The following ERGIC1 variants were observed in gnomAD, a reference collection of about 807,000 sequenced individuals.
ERGIC1 encodes endoplasmic reticulum-Golgi intermediate compartment protein 1.
Under a neutral mutation model 38.3 loss-of-function variants are expected in ERGIC1, and 19 were observed. That is an observed-to-expected ratio of 0.50 (90% CI 0.35 to 0.73). The LOEUF (loss-of-function observed/expected upper bound fraction) is 0.73, where lower values mean the gene tolerates loss of function less well. Among genes scored for constraint, ERGIC1 ranks in the 30% least tolerant of loss-of-function variants. ERGIC1 has a pLI of 0.01. For missense variants in ERGIC1, 294 were observed against 389.2 expected, an observed-to-expected ratio of 0.76 and a Z score of 2.06; for synonymous variants, 124 against 157.6, an observed-to-expected ratio of 0.79 and a Z score of 1.60.
At chr5:172,892,314 G>T (rs1762588448) in intron 2 of ERGIC1, among the ~76,000 whole-genome samples, 1 of 152,110 alleles carries the variant, frequency 6.6e-6, no homozygotes, top group South Asian at 2.1e-4. Flanking sequence ...TTCCATCTTT[G>T]TCCTTGAGGA....
rs1028443762 is a variant in ERGIC1, at chr5:172,876,431, T to G, written c.21-12268T>G. Among the ~76,000 whole-genome samples, 4 of 152,240 alleles carry G rather than the reference T, an allele frequency of 2.6e-5. No homozygotes were observed. In the South Asian group the frequency reaches 8.3e-4, roughly 31 times the overall value. ...GTGCATTCTCTTTATTTACCAATTT[T>G]CAGAATAATGAGTTGGTGGTGTAGG... On this transcript the variant is annotated intron_variant, in intron 1 of 9. Coordinates refer to ENST00000393784, the MANE Select transcript of ERGIC1 (RefSeq NM_001031711.3).
At chr5:172,872,934 C>T (rs934772559) in intron 1 of ERGIC1, among the ~76,000 whole-genome samples, 1 of 152,352 alleles carries the variant, frequency 6.6e-6, no homozygotes, top group South Asian at 2.1e-4. Context: ...AAAAGGGGCA[C>T]CTTTCACAGG....
chr5:172,853,054 G>C (rs1236212131), intron 1 of ERGIC1, among the ~76,000 whole-genome samples: 1 of 152,184 alleles, frequency 6.6e-6, no homozygotes, highest in Non-Finnish European at 1.5e-5. Context: ...GTTTGTCCAA[G>C]AAGCGCCTGT....
chr5:172,889,145 A>C (rs1006420835), intron 2 of ERGIC1, among the ~76,000 whole-genome samples: 2 of 152,068 alleles, frequency 1.3e-5, no homozygotes, highest in Non-Finnish European at 2.9e-5. Context: ...TTAGCCAGGC[A>C]TGGTGGTACA....
intron 2 of ERGIC1, 66 bp downstream of exon 2, chr5:172,888,826 G>A: frequency 7.1e-7 from 1 of 1,401,706 alleles, no homozygotes; most frequent in Non-Finnish European, 1.0e-6. Context: ...CTCTCTCTGT[G>A]CAGATCATCT....
chr5:172,834,851 C>T lies in ERGIC1; in HGVS notation c.20+418C>T, dbSNP rs1581498066. ...TGGGGCAGGGCACCTGGAATGAGTC[C>T]GGAGGGGCCTGGGGCCCCATGCAGC... On this transcript the variant is annotated intron_variant, in intron 1 of 9. Transcript: ENST00000393784. The surrounding 1 kb of genome is among the most constrained non-coding windows in gnomAD (Gnocchi z 4.1). Among the ~76,000 whole-genome samples, 1 of 152,166 alleles carries T rather than the reference C, an allele frequency of 6.6e-6. No individual in the cohort carries two copies. The highest frequency in any genetic ancestry group is 1.5e-5 in the Non-Finnish European group (1 of 68,026).
At chr5:172,896,797 C>G (rs1762733639) in intron 2 of ERGIC1, among the ~76,000 whole-genome samples, 1 of 152,216 alleles carries the variant, frequency 6.6e-6, no homozygotes, top group Non-Finnish European at 1.5e-5. Context: ...GCAGGTTGAT[C>G]CACACCTGGA....
intron 1 of ERGIC1, among the ~76,000 whole-genome samples, chr5:172,844,318 C>T (rs1254487118): frequency 1.3e-5 from 2 of 152,274 alleles, no homozygotes; most frequent in Admixed American, 6.5e-5. Context: ...GAAGGGACAG[C>T]TGACATGCAG....
At chr5:172,847,964 G>T (rs1475855431) in intron 1 of ERGIC1, among the ~76,000 whole-genome samples, 22 of 152,180 alleles carry the variant, frequency 1.4e-4, no homozygotes, top group Admixed American at 1.4e-3. Context: ...AATGTGTTTG[G>T]TTCTCACGAG....
At chr5:172,892,017 G>A (rs1250690679) in intron 2 of ERGIC1, among the ~76,000 whole-genome samples, 2 of 146,490 alleles carry the variant, frequency 1.4e-5, no homozygotes, top group African/African-American at 5.0e-5. Context: ...AGTTATTTCT[G>A]TAAGGTAACT....
chr5:172,943,981 T>C (rs1398262366), intron 9 of ERGIC1, among the ~76,000 whole-genome samples: 2 of 152,176 alleles, frequency 1.3e-5, no homozygotes, highest in African/African-American at 4.8e-5. Flanking sequence ...TTCATTCTAG[T>C]CACAGTGGAA....
At chr5:172,835,116 G>A (rs1761002631) in intron 1 of ERGIC1, among the ~76,000 whole-genome samples, 1 of 152,202 alleles carries the variant, frequency 6.6e-6, no homozygotes, top group Non-Finnish European at 1.5e-5. Flanking sequence ...GCTGCCTCAT[G>A]GTCTAGGTTG....
intron 3 of ERGIC1, among the ~76,000 whole-genome samples, chr5:172,908,353 T>G (rs1216171328): frequency 3.9e-3 from 59 of 15,262 alleles, no homozygotes; most frequent in Middle Eastern, 0.056. Context: ...AGGGGGGGGG[T>G]GGATCATGAG....
chr5:172,855,632 C>G (rs1203227143), intron 1 of ERGIC1, among the ~76,000 whole-genome samples: 6 of 152,224 alleles, frequency 3.9e-5, no homozygotes, highest in African/African-American at 1.4e-4. Flanking sequence ...AGGTCCTCCC[C>G]ACGATGTTCA....
At chr5:172,863,571 C>G (rs1462032225) in intron 1 of ERGIC1, among the ~76,000 whole-genome samples, 1 of 152,180 alleles carries the variant, frequency 6.6e-6, no homozygotes, top group Non-Finnish European at 1.5e-5. Flanking sequence ...CTCTCTCTTT[C>G]AGGAATTCAA....
intron 1 of ERGIC1, among the ~76,000 whole-genome samples, chr5:172,866,466 A>G (rs1761866038): frequency 6.6e-6 from 1 of 152,150 alleles, no homozygotes; most frequent in Non-Finnish European, 1.5e-5. Context: ...GGGGAGAAGG[A>G]GCTTCTCCTT....
chr5:172,931,945 G>A (rs1260719036), intron 7 of ERGIC1, among the ~76,000 whole-genome samples: 5 of 143,158 alleles, frequency 3.5e-5, no homozygotes, highest in African/African-American at 7.9e-5. Context: ...TGCAACCTCC[G>A]CCTCCCAGGT....
Position 172,834,500 on chromosome 5 carries a change from G to A in ERGIC1, c.20+67G>A. 1 of 1,258,170 alleles carries A rather than the reference G, an allele frequency of 7.9e-7. No individual in the cohort carries two copies. The highest frequency in any genetic ancestry group is 1.0e-6 in the Non-Finnish European group (1 of 998,198). The allele number at this position is 1,258,170 out of a possible 1,614,324, so 77.9% of individuals were successfully genotyped here. On this transcript the variant is annotated intron_variant, in intron 1 of 9. Transcript: ENST00000393784. The surrounding 1 kb of genome is among the most constrained non-coding windows in gnomAD (Gnocchi z 4.1). Reference sequence around the variant, plus strand: ...GGCAGAGGGAGCGCCCCGGCACGCCGCGGACCCCTCCCGCCCTGCATGCAA... The same window carrying A: ...GGCAGAGGGAGCGCCCCGGCACGCCACGGACCCCTCCCGCCCTGCATGCAA...
intron 1 of ERGIC1, among the ~76,000 whole-genome samples, chr5:172,854,451 A>G (rs1206282893): frequency 6.6e-6 from 1 of 152,270 alleles, no homozygotes; most frequent in African/African-American, 2.4e-5. Flanking sequence ...TGAGAAAAAA[A>G]AGTATTTCCT....
Sources: gnomAD v4.1 joint callset for allele counts (sites outside exome capture counted in the v4.1 genomes callset) on GRCh38, gnomAD v4.1.1 for gene constraint, Gnocchi (gnomAD v3.1) non-coding constraint, MANE v1.5 for transcripts, NCBI Gene and HGNC (gene_info 2026-07-23, HGNC 2026-07-21) for gene names.